Variants in PTPRD observed in about 807,000 individuals in gnomAD.
The protein encoded by PTPRD is receptor-type tyrosine-protein phosphatase delta.
PTPRD carries 34 observed loss-of-function variants against 214.5 expected under a neutral mutation model. That is an observed-to-expected ratio of 0.16 (90% confidence interval 0.12 to 0.21). The LOEUF (loss-of-function observed/expected upper bound fraction) is 0.21, where lower values mean the gene tolerates loss of function less well. PTPRD is among the 10% of genes least tolerant of loss of function. PTPRD has a pLI of 1.00. For missense variants in PTPRD, 2,545 were observed against 2,398.7 expected (o/e 1.06, Z -1.27); for synonymous variants, 1,128 against 845.7 (o/e 1.33, Z -5.79).
chr9:9,648,748 T>C (rs1037752022), intron 7 of PTPRD, among the ~76,000 whole-genome samples: 7 of 152,200 alleles, frequency 4.6e-5, no homozygotes, highest in Admixed American at 3.3e-4. Flanking sequence ...AAGTCTAAGA[T>C]ATAAACGTAA....
At chr9:9,314,355 A>T (rs762832003) in intron 9 of PTPRD, among the ~76,000 whole-genome samples, 31 of 152,230 alleles carry the variant, frequency 2.0e-4, no homozygotes, top group Non-Finnish European at 3.8e-4. Flanking sequence ...TCACTCATGT[A>T]ATGAGGTAGT....
chr9:10,173,110 T>C (rs1429695012), intron 3 of PTPRD, among the ~76,000 whole-genome samples: 1 of 152,172 alleles, frequency 6.6e-6, no homozygotes, highest in Non-Finnish European at 1.5e-5. Context: ...GAATATAACA[T>C]TAGCGTATGA....
In PTPRD at chr9:9,674,573, T is replaced by C. The variant is rs562668328; in HGVS notation, c.-287+59960A>G. ...ATATGCTATGTAAGACACGTTCATA[T>C]ACTATAAGAAAAGAGAAAGATTAAA... On this transcript the variant is annotated intron_variant, in intron 7 of 45. Coordinates refer to ENST00000381196, the MANE Select transcript of PTPRD (RefSeq NM_002839.4). Among the ~76,000 whole-genome samples the C allele has an allele frequency of 4.0e-5, 6 of 151,826 alleles. No homozygotes were observed. In the East Asian group the frequency reaches 9.7e-4, roughly 24 times the overall value.
At chr9:10,032,937 A>G (rs1479399113) in intron 4 of PTPRD, among the ~76,000 whole-genome samples, 2 of 151,938 alleles carry the variant, frequency 1.3e-5, no homozygotes, top group South Asian at 4.2e-4. Context: ...AGTATTTTTA[A>G]CTGATGAAGT....
chr9:8,334,065 C>G (rs949103656), intron 43 of PTPRD, among the ~76,000 whole-genome samples: 1 of 152,126 alleles, frequency 6.6e-6, no homozygotes, highest in Non-Finnish European at 1.5e-5. Context: ...TACAAAGAGA[C>G]TTAGACTCCC....
At chr9:8,468,160 T>A (rs2096580585) in intron 31 of PTPRD, among the ~76,000 whole-genome samples, 1 of 152,006 alleles carries the variant, frequency 6.6e-6, no homozygotes, top group Non-Finnish European at 1.5e-5. Flanking sequence ...TTAGACCCAA[T>A]GCAGTCATTC....
At chr9:9,422,354 T>C (rs1235847328) in intron 8 of PTPRD, among the ~76,000 whole-genome samples, 1 of 152,090 alleles carries the variant, frequency 6.6e-6, no homozygotes, top group Non-Finnish European at 1.5e-5. Flanking sequence ...AATCAAAATA[T>C]GAGTTGCATT....
chr9:9,773,273 G>C (rs1451742773), intron 5 of PTPRD, among the ~76,000 whole-genome samples: 2 of 152,070 alleles, frequency 1.3e-5, no homozygotes, highest in Non-Finnish European at 2.9e-5. Context: ...GAATAAAGAA[G>C]GATATATGCC....
chr9:8,554,808 C>A (rs2083233516), intron 14 of PTPRD, among the ~76,000 whole-genome samples: 1 of 152,278 alleles, frequency 6.6e-6, no homozygotes, highest in Non-Finnish European at 1.5e-5. Flanking sequence ...CAGAAGCCTG[C>A]AAACCCCACA....
chr9:8,357,003 A>C (rs2077133700), intron 39 of PTPRD, among the ~76,000 whole-genome samples: 1 of 152,202 alleles, frequency 6.6e-6, no homozygotes, highest in East Asian at 1.9e-4. Context: ...AATTTATAAA[A>C]TTACTATATT....
chr9:9,701,829 A>T (rs2097508437), intron 7 of PTPRD, among the ~76,000 whole-genome samples: 1 of 152,128 alleles, frequency 6.6e-6, no homozygotes, highest in Admixed American at 6.6e-5. Context: ...TTTGAAAACT[A>T]AAGTATTGGC....
chr9:9,089,800 T>C lies in PTPRD; in HGVS notation c.-142-71065A>G, dbSNP rs935338017. Among the ~76,000 whole-genome samples, 6 of 152,218 alleles carry C rather than the reference T, an allele frequency of 3.9e-5. 1 individual carries two copies. Among genetic ancestry groups the C allele is most frequent in the Middle Eastern group, 6.8e-3 (2 of 292 alleles). ...TTGTGAAGGTTTCCAAAGTAAGAAA[T>C]AAGGAAACACCTATAATATGTGGGG... is the stretch of plus-strand genomic sequence containing the variant. On this transcript the variant is annotated intron_variant, in intron 10 of 45. Transcript: ENST00000381196.
chr9:8,337,269 G>A (rs893588824), intron 43 of PTPRD, among the ~76,000 whole-genome samples: 2 of 151,656 alleles, frequency 1.3e-5, no homozygotes, highest in Non-Finnish European at 3.0e-5. Flanking sequence ...TATGGTGAGT[G>A]AGTATTCCAT....
At chr9:8,857,489 T>A in intron 11 of PTPRD, 1 of 152,108 alleles carries the variant, frequency 6.6e-6, no homozygotes. Flanking sequence ...AACTGTGCGC[T>A]CCGGTGCCCG....
At chr9:9,425,940 G>A (rs1293583610) in intron 8 of PTPRD, among the ~76,000 whole-genome samples, 3 of 152,244 alleles carry the variant, frequency 2.0e-5, no homozygotes, top group South Asian at 4.1e-4. Flanking sequence ...TTCCAAGATG[G>A]CCGAATAGGA....
chr9:9,436,309 G>A (rs2085234417), intron 8 of PTPRD, among the ~76,000 whole-genome samples: 1 of 151,896 alleles, frequency 6.6e-6, no homozygotes, highest in Admixed American at 6.6e-5. Context: ...ACTCCTTCTA[G>A]TTCCCTCCTA....
At chr9:9,825,410 G>C (rs1284192357) in intron 5 of PTPRD, among the ~76,000 whole-genome samples, 5 of 130,972 alleles carry the variant, frequency 3.8e-5, no homozygotes, top group Non-Finnish European at 6.5e-5. Context: ...GAGAGAAAGA[G>C]AGAGAGAAAG....
rs566073455 is a variant in PTPRD, at chr9:9,343,236, G to A, written c.-203+54213C>T. On this transcript the variant is annotated intron_variant, in intron 9 of 45. Transcript: ENST00000381196. The stretch of plus-strand genomic sequence containing the variant: ...AGTCACATGATTTGTAATCCTTTGG[G>A]TATATACCCAGTAATGGGATTGCTG... Among the ~76,000 whole-genome samples the A allele has an allele frequency of 1.7e-3, 263 of 152,226 alleles. 3 individuals carry two copies. The highest frequency in any genetic ancestry group is 6.0e-3 in the African/African-American group (248 of 41,540).
chr9:9,446,619 G>A (rs945179612), intron 8 of PTPRD, among the ~76,000 whole-genome samples: 2 of 152,056 alleles, frequency 1.3e-5, no homozygotes, highest in Non-Finnish European at 2.9e-5. Flanking sequence ...TGTCAATGGT[G>A]CCACAGAAGG....
Sources: gnomAD v4.1 joint callset for allele counts (sites outside exome capture counted in the v4.1 genomes callset) on GRCh38, gnomAD v4.1.1 for gene constraint, MANE v1.5 for transcripts, NCBI Gene and HGNC (gene_info 2026-07-23, HGNC 2026-07-21) for gene names.